Variants in EIF4E1B observed in about 807,000 individuals in gnomAD.
The protein encoded by EIF4E1B is eukaryotic translation initiation factor 4E type 1B.
Under a neutral mutation model 31.3 loss-of-function variants are expected in EIF4E1B, and 22 were observed. That is an observed-to-expected ratio of 0.70 (90% CI 0.50 to 1.00). EIF4E1B has a LOEUF of 1.00. EIF4E1B is among the 50% of genes least tolerant of loss of function. The pLI is 0.00. For synonymous variants in EIF4E1B, 126 were observed against 120.2 expected, an observed-to-expected ratio of 1.05 and a Z score of -0.31; for missense variants, 290 against 311.6, an observed-to-expected ratio of 0.93 and a Z score of 0.52.
chr5:176,633,468 T>C lies in EIF4E1B; in HGVS notation c.-202+2404T>C, dbSNP rs140148361. ...TTTTCGTAGAGACAGGGTATTTGTT[T>C]GTGATTTACTTATTTATTTTTTGTT... On this transcript the variant is annotated intron_variant, in intron 1 of 8. Transcript: ENST00000318682. Among the ~76,000 whole-genome samples, 17 of 152,282 alleles carry C rather than the reference T, an allele frequency of 1.1e-4. No homozygotes were observed. In the East Asian group the frequency reaches 3.3e-3, roughly 29 times the overall value.
chr5:176,644,578 G>A (rs1009443634), intron 6 of EIF4E1B, 139 bp downstream of exon 6: 25 of 989,542 alleles, frequency 2.5e-5, no homozygotes, highest in Non-Finnish European at 3.5e-5. Flanking sequence ...TTTCTGACTG[G>A]AGGAAATGCT....
chr5:176,637,716 G>A (rs1281748679), intron 1 of EIF4E1B, among the ~76,000 whole-genome samples: 1 of 152,184 alleles, frequency 6.6e-6, no homozygotes, highest in Non-Finnish European at 1.5e-5. Context: ...GAAGGCCACT[G>A]TGGCTGCAGC....
At chr5:176,642,195 G>A in intron 2 of EIF4E1B, 30 bp downstream of exon 2, 1 of 152,970 alleles carries the variant, frequency 6.5e-6, no homozygotes, top group Admixed American at 6.5e-5. Flanking sequence ...GGGGGCTGTG[G>A]GGAGCCTCAT....
chr5:176,636,077 A>C (rs1407072757), intron 1 of EIF4E1B, among the ~76,000 whole-genome samples: 2 of 152,178 alleles, frequency 1.3e-5, no homozygotes, highest in Admixed American at 1.3e-4. Context: ...TCAGCCTCCC[A>C]AAGTGCTAGG....
intron 1 of EIF4E1B, among the ~76,000 whole-genome samples, chr5:176,633,953 G>A (rs1207908005): frequency 1.3e-5 from 2 of 152,160 alleles, no homozygotes; most frequent in African/African-American, 4.8e-5. Flanking sequence ...GGACAAGGAC[G>A]CCTGAACTAC....
At chr5:176,643,959 A>T in intron 5 of EIF4E1B, 1 of 585,426 alleles carries the variant, frequency 1.7e-6, no homozygotes, top group Non-Finnish European at 3.0e-6. Context: ...GCTGACCTTG[A>T]CTCGGCCACT....
chr5:176,643,083 T>C lies in EIF4E1B; in HGVS notation c.17T>C (p.Val6Ala). The change falls in exon 4 of 9, where the codon GTG becomes GCG. Residue 6 changes from valine (V) to alanine (A), a missense_variant and splice_region_variant. Physicochemically the swap from Val to Ala is moderately conservative, Grantham distance 64. Coordinates refer to ENST00000318682, the MANE Select transcript of EIF4E1B (RefSeq NM_001099408.2). MLAVE[V>A]SEAEGGIREW... ...TCCTGACTCCTTTTTTTGGCTCAGG[T>C]GAGTGAAGCTGAGGGTGGAATCCGA... The C allele has an allele frequency of 6.2e-7, 1 of 1,608,052 alleles. No individual in the cohort carries two copies. The highest frequency in any genetic ancestry group is 1.1e-5 in the South Asian group (1 of 90,154).
intron 1 of EIF4E1B, among the ~76,000 whole-genome samples, chr5:176,636,820 A>G (rs1760500725): frequency 6.6e-6 from 1 of 152,220 alleles, no homozygotes; most frequent in Admixed American, 6.5e-5. Context: ...CCAGAGAGGG[A>G]AAGTCACTGG....
In EIF4E1B at chr5:176,646,020, C is replaced by T. The variant is rs1162536543; in HGVS notation, c.*40C>T. ...CCCCTCCTATGTAATGGGACAGCCG[C>T]CACTGAGCCTCATTACTTTGGGGGA... On this transcript the variant is annotated 3_prime_UTR_variant, in exon 9 of 9. Coordinates refer to ENST00000318682, the MANE Select transcript of EIF4E1B (RefSeq NM_001099408.2). 2.0e-6 allele frequency: 3 copies of T among 1,524,758 alleles called. No homozygotes were observed. The highest frequency in any genetic ancestry group is 2.8e-5 in the African/African-American group (2 of 72,216). 94.5% of individuals were successfully genotyped at this position (1,524,758 alleles called of 1,614,324 possible). A position where few individuals can be genotyped will look rare whatever the true frequency, so the allele number is the denominator to read the frequency against.
chr5:176,643,055 C>T (rs1251627934), intron 3 of EIF4E1B, 27 bp from the exon 4 acceptor site: 1 of 1,586,622 alleles, frequency 6.3e-7, no homozygotes, highest in East Asian at 2.3e-5. Context: ...AGCTCACAAC[C>T]CATCCTGACT....
intron 1 of EIF4E1B, among the ~76,000 whole-genome samples, chr5:176,639,592 G>C (rs1186680615): frequency 6.6e-6 from 1 of 152,096 alleles, no homozygotes; most frequent in East Asian, 1.9e-4. Context: ...CCCGGTACTG[G>C]GGGGAGCCCT....
chr5:176,642,711 T>C lies in EIF4E1B; in HGVS notation c.-77T>C. The C allele has an allele frequency of 4.5e-6, 7 of 1,546,920 alleles. No individual in the cohort carries two copies. Among genetic ancestry groups the C allele is most frequent in the Non-Finnish European group, 6.1e-6 (7 of 1,144,608 alleles). Reference sequence around the variant, plus strand: ...CCAAATATTGACGCTTACCTTCAGGTCTTGGCCCCCATGGTGTGGGGCTTG... The same window carrying C: ...CCAAATATTGACGCTTACCTTCAGGCCTTGGCCCCCATGGTGTGGGGCTTG... On this transcript the variant is annotated splice_region_variant and 5_prime_UTR_variant, in exon 3 of 9. Coordinates refer to ENST00000318682, the MANE Select transcript of EIF4E1B (RefSeq NM_001099408.2).
Position 176,645,632 on chromosome 5 carries a change from T to C in EIF4E1B, c.614+116T>C. 2 of 1,380,406 alleles carry C rather than the reference T, an allele frequency of 1.4e-6. No individual in the cohort carries two copies. Among genetic ancestry groups the C allele is most frequent in the Non-Finnish European group, 1.9e-6 (2 of 1,046,904 alleles). The allele number at this position is 1,380,406 out of a possible 1,614,324, so 85.5% of individuals were successfully genotyped here. ...GAAAGTCTCCATAGCCTCCCTCCCT[T>C]CTGCCTTGCCCACCTGTATGGAAGG... On this transcript the variant is annotated intron_variant, in intron 8 of 8. Transcript: ENST00000318682. This position sits in a 1 kb window ranked among gnomAD's most constrained non-coding sequence, Gnocchi z 5.4.
intron 1 of EIF4E1B, among the ~76,000 whole-genome samples, chr5:176,639,429 G>A (rs748593053): frequency 3.9e-5 from 6 of 152,148 alleles, no homozygotes; most frequent in Non-Finnish European, 8.8e-5. Flanking sequence ...CAGGGGGGTT[G>A]CTCTTAAGGT....
rs1026342887 is a variant in EIF4E1B at position 176,642,860 on chromosome 5, C to CG, written c.15+58_15+59insG. On this transcript the variant is annotated intron_variant, in intron 3 of 8. Coordinates refer to ENST00000318682, the MANE Select transcript of EIF4E1B (RefSeq NM_001099408.2). ...CCATGGCCCCGCCCTCTCCCCCCCC[C>CG]CCCCCGCCCCAGGTGGGCGGGGCAG... The CG allele has an allele frequency of 3.9e-4, 506 of 1,308,490 alleles. 38 individuals are homozygous for CG. The highest frequency in any genetic ancestry group is 1.9e-3 in the Middle Eastern group (7 of 3,622). The allele number at this position is 1,308,490 out of a possible 1,614,324, so 81.1% of individuals were successfully genotyped here.
chr5:176,645,629 C>T lies in EIF4E1B; in HGVS notation c.614+113C>T, dbSNP rs1231361926. 13 of 1,382,916 alleles carry T rather than the reference C, an allele frequency of 9.4e-6. No individual in the cohort carries two copies. The highest frequency in any genetic ancestry group is 1.1e-5 in the Non-Finnish European group (12 of 1,050,658). 85.7% of individuals were successfully genotyped at this position (1,382,916 alleles called of 1,614,324 possible). On this transcript the variant is annotated intron_variant, in intron 8 of 8. Transcript: ENST00000318682. The surrounding 1 kb of genome is among the most constrained non-coding windows in gnomAD (Gnocchi z 5.4). ...TCTGAAAGTCTCCATAGCCTCCCTC[C>T]CTTCTGCCTTGCCCACCTGTATGGA...
chr5:176,642,867 C>CCCGGT lies in EIF4E1B; in HGVS notation c.15+67_15+68insGGTCC, dbSNP rs1300072984. The stretch of plus-strand genomic sequence containing the variant: ...CCCGCCCTCTCCCCCCCCCCCCCCG[C>CCCGGT]CCCAGGTGGGCGGGGCAGGTGCTGG... On this transcript the variant is annotated intron_variant, in intron 3 of 8. Transcript: ENST00000318682. The CCCGGT allele has an allele frequency of 3.3e-6, 5 of 1,510,452 alleles. No individual in the cohort carries two copies. The Admixed American group carries it at 8.2e-5, about 25-fold the overall frequency. 93.6% of individuals were successfully genotyped at this position (1,510,452 alleles called of 1,614,324 possible). A position where few individuals can be genotyped will look rare whatever the true frequency, so the allele number is the denominator to read the frequency against.
rs143273417 is a variant in EIF4E1B at position 176,634,959 on chromosome 5, C to T, written c.-202+3895C>T. 9.1e-4 allele frequency among the ~76,000 whole-genome samples: 139 copies of T among 152,216 alleles called. 3 individuals carry two copies. The East Asian group carries it at 0.022, about 24-fold the overall frequency. The stretch of plus-strand genomic sequence containing the variant: ...CTGGGATTACAGGCATGAGCCACCA[C>T]GCCCAGCCAGATTCCTGAAGTTTTA... On this transcript the variant is annotated intron_variant, in intron 1 of 8. Coordinates refer to ENST00000318682, the MANE Select transcript of EIF4E1B (RefSeq NM_001099408.2).
Position 176,643,657 on chromosome 5 carries a change from C to G in EIF4E1B, c.219C>G (p.Phe73Leu). 1 of 1,610,380 alleles carries G rather than the reference C, an allele frequency of 6.2e-7. No homozygotes were observed. Among genetic ancestry groups the G allele is most frequent in the Non-Finnish European group, 8.5e-7 (1 of 1,178,356 alleles). Residue 73 changes from phenylalanine to leucine, a missense_variant, in exon 5 of 9, where the codon TTC (phenylalanine) becomes TTG (leucine). Phe to Leu is a conservative substitution (Grantham distance 22, BLOSUM62 0). Coordinates refer to ENST00000318682, the MANE Select transcript of EIF4E1B (RefSeq NM_001099408.2). ...PLQNRWALWF[F>L]KNDRSRAWQD... ...CTACCAGGTGGGCTCTGTGGTTCTTCAAGAATGACCGCAGCCGGGCCTGGC... is the reference window on the plus strand; with the variant it reads ...CTACCAGGTGGGCTCTGTGGTTCTTGAAGAATGACCGCAGCCGGGCCTGGC...
Sources: gnomAD v4.1 joint callset for allele counts (sites outside exome capture counted in the v4.1 genomes callset) on GRCh38, gnomAD v4.1.1 for gene constraint, Gnocchi (gnomAD v3.1) non-coding constraint, MANE v1.5 for transcripts, NCBI Gene and HGNC (gene_info 2026-07-23, HGNC 2026-07-21) for gene names.